The following SLC8A1 variants were observed in gnomAD, a reference collection of about 807,000 sequenced individuals.
The protein encoded by SLC8A1 is sodium/calcium exchanger 1.
A neutral mutation model predicts 68.3 loss-of-function variants in SLC8A1; 18 were observed. The observed-to-expected ratio is 0.26, with a 90% confidence interval of 0.18 to 0.39. The LOEUF (loss-of-function observed/expected upper bound fraction) is 0.39. Ranked by LOEUF, SLC8A1 falls within the 10% of genes least tolerant of loss-of-function variation. The pLI is 1.00. For synonymous variants in SLC8A1, 475 were observed against 415.5 expected (o/e 1.14, Z -1.74); for missense variants, 985 against 1,156.7 (o/e 0.85, Z 2.15).
chr2:40,252,884 T>TG (rs2063047527), intron 2 of SLC8A1, among the ~76,000 whole-genome samples: 1 of 114,866 alleles, frequency 8.7e-6, no homozygotes, highest in Non-Finnish European at 1.7e-5. Context: ...ATATATATTT[T>TG]GAGCCAAATT....
At chr2:40,283,703 G>A (rs78275595) in intron 2 of SLC8A1, among the ~76,000 whole-genome samples, 1 of 152,324 alleles carries the variant, frequency 6.6e-6, no homozygotes, top group Admixed American at 6.5e-5. Context: ...GCTCACTGCA[G>A]CTGTCCTTTC....
intron 1 of SLC8A1, among the ~76,000 whole-genome samples, chr2:40,443,119 G>C (rs1348477623): frequency 6.6e-6 from 1 of 152,114 alleles, no homozygotes; most frequent in Non-Finnish European, 1.5e-5. Flanking sequence ...TTGGGGGCAA[G>C]GGGAGGGAGA....
Position 40,486,353 on chromosome 2 carries a change from A to T in SLC8A1, c.-25+25996T>A, listed in dbSNP as rs558495580. On this transcript the variant is annotated intron_variant, in intron 1 of 7. Coordinates refer to the SLC8A1 transcript ENST00000402441. Reference sequence around the variant, plus strand: ...AATACACTTATGATACAAAAGAAATAATATGCTGTGAAAGAGAGTACTGAT... The same window carrying T: ...AATACACTTATGATACAAAAGAAATTATATGCTGTGAAAGAGAGTACTGAT... 2.6e-5 allele frequency among the ~76,000 whole-genome samples: 4 copies of T among 152,326 alleles called. No individual in the cohort carries two copies. In the East Asian group the frequency reaches 7.7e-4, roughly 29 times the overall value.
At chr2:40,502,128 G>A (rs901407655) in intron 1 of SLC8A1, among the ~76,000 whole-genome samples, 6 of 152,050 alleles carry the variant, frequency 3.9e-5, no homozygotes, top group African/African-American at 1.4e-4. Flanking sequence ...AGCAAACAAA[G>A]TGAATATAAT....
At chr2:40,498,376 G>A (rs1270938871) in intron 1 of SLC8A1, among the ~76,000 whole-genome samples, 3 of 152,074 alleles carry the variant, frequency 2.0e-5, no homozygotes, top group African/African-American at 7.2e-5. Context: ...TTTTAAAAGA[G>A]AACATTGAAC....
chr2:40,474,315 T>A (rs898804851), intron 1 of SLC8A1, among the ~76,000 whole-genome samples: 1 of 152,234 alleles, frequency 6.6e-6, no homozygotes, highest in Non-Finnish European at 1.5e-5. Context: ...ATGTATTTAA[T>A]CTGCATAATG....
At chr2:40,279,953 C>G (rs2149180264) in intron 2 of SLC8A1, among the ~76,000 whole-genome samples, 1 of 152,210 alleles carries the variant, frequency 6.6e-6, no homozygotes, top group South Asian at 2.1e-4. Context: ...CTTTTCCATT[C>G]TGATTTTAAA....
chr2:40,244,228 G>C (rs564014462), intron 2 of SLC8A1, among the ~76,000 whole-genome samples: 3 of 152,276 alleles, frequency 2.0e-5, no homozygotes, highest in African/African-American at 7.2e-5. Flanking sequence ...TCTTGGTTTA[G>C]TGGTGGGAGA....
In SLC8A1 at chr2:40,476,642, G is replaced by A. The variant is rs533527560; in HGVS notation, c.-25+35707C>T. On this transcript the variant is annotated intron_variant, in intron 1 of 7. Coordinates refer to the SLC8A1 transcript ENST00000402441. ...TCATGGAAAATAGTAATTTCCTGAGGTCAGAAGAAACTTGACCTATTTGCT... is the reference window on the plus strand; with the variant it reads ...TCATGGAAAATAGTAATTTCCTGAGATCAGAAGAAACTTGACCTATTTGCT... Among the ~76,000 whole-genome samples, 13 of 152,256 alleles carry A rather than the reference G, an allele frequency of 8.5e-5. No individual in the cohort carries two copies. In the South Asian group the frequency reaches 2.5e-3, roughly 29 times the overall value.
chr2:40,179,004 T>C (rs1020512526), intron 2 of SLC8A1, among the ~76,000 whole-genome samples: 1 of 150,940 alleles, frequency 6.6e-6, no homozygotes, highest in African/African-American at 2.4e-5. Flanking sequence ...TTATCATAAA[T>C]TGTTATTAAA....
At chr2:40,173,948 G>C (rs13002111) in intron 4 of SLC8A1, among the ~76,000 whole-genome samples, 9,909 of 152,142 alleles carry the variant, frequency 0.065, 699 homozygotes, top group African/African-American at 0.18. Flanking sequence ...TCTTTGTTTT[G>C]TACACAAGAA....
At chr2:40,157,947 T>G (rs572087237) in intron 6 of SLC8A1, among the ~76,000 whole-genome samples, 1 of 152,206 alleles carries the variant, frequency 6.6e-6, no homozygotes, top group Non-Finnish European at 1.5e-5. Context: ...TACTGAGCTA[T>G]GAAATTCAGA....
At chr2:40,294,693 A>C (rs1178300807) in intron 2 of SLC8A1, among the ~76,000 whole-genome samples, 2 of 152,198 alleles carry the variant, frequency 1.3e-5, no homozygotes, top group Non-Finnish European at 2.9e-5. Flanking sequence ...CATCTCAATC[A>C]TTTTAATTTT....
At chr2:40,283,434 T>G (rs1460931153) in intron 2 of SLC8A1, among the ~76,000 whole-genome samples, 1 of 152,226 alleles carries the variant, frequency 6.6e-6, no homozygotes, top group Non-Finnish European at 1.5e-5. Context: ...AAGACCCAGA[T>G]GGTTCATCAG....
chr2:40,139,448 T>C, exon 7 of SLC8A1: 1 of 1,614,122 alleles, frequency 6.2e-7, no homozygotes, highest in Non-Finnish European at 8.5e-7. Context: ...AGTCACAGAA[T>C]CTTTCAGGCC....
chr2:40,222,599 G>A (rs2058479443), intron 2 of SLC8A1, among the ~76,000 whole-genome samples: 1 of 152,050 alleles, frequency 6.6e-6, no homozygotes, highest in African/African-American at 2.4e-5. Context: ...CTAGAGAATG[G>A]GAAAAATAAC....
At chr2:40,388,385 G>A (rs1006247731) in intron 2 of SLC8A1, among the ~76,000 whole-genome samples, 1 of 152,100 alleles carries the variant, frequency 6.6e-6, no homozygotes, top group African/African-American at 2.4e-5. Context: ...CATCTGAGCA[G>A]TATCTTACTT....
At position 40,477,177 on chromosome 2, in the gene SLC8A1, T is replaced by A. The variant is rs540398258; in HGVS notation, c.-25+35172A>T. ...ACAGAAAGTCCATTAAATAATAAATTTCCTGGGCAACGTGATCTTTTTCAG... is the reference window on the plus strand; with the variant it reads ...ACAGAAAGTCCATTAAATAATAAATATCCTGGGCAACGTGATCTTTTTCAG... On this transcript the variant is annotated intron_variant, in intron 1 of 7. Transcript: ENST00000402441. Among the ~76,000 whole-genome samples, 5 of 152,308 alleles carry A rather than the reference T, an allele frequency of 3.3e-5. No individual in the cohort carries two copies. The East Asian group carries it at 9.6e-4, about 29-fold the overall frequency.
At chr2:40,186,421 G>C (rs2050715257) in intron 2 of SLC8A1, among the ~76,000 whole-genome samples, 1 of 152,096 alleles carries the variant, frequency 6.6e-6, no homozygotes, top group South Asian at 2.1e-4. Context: ...GTTAGGGAAA[G>C]GGAGGAGCAG....
Sources: allele counts gnomAD v4.1 joint callset (sites outside exome capture counted in the v4.1 genomes callset), GRCh38; gene constraint gnomAD v4.1.1; transcripts MANE v1.5; gene names NCBI Gene and HGNC (gene_info 2026-07-23, HGNC 2026-07-21).